C17orf67: variants seen among roughly 807,000 people sequenced by gnomAD.
C17orf67 encodes the protein chromosome 17 open reading frame 67.
A neutral mutation model predicts 11.2 loss-of-function variants in C17orf67; 12 were observed. The ratio of observed to expected loss-of-function variants is 1.07; its 90% CI spans 0.68 to 1.73. C17orf67 has a LOEUF of 1.73. Ranked by LOEUF, C17orf67 falls within the 40% of genes most tolerant of loss-of-function variation. The probability of loss-of-function intolerance (pLI) is 0.00; values close to 1 mark genes in which losing one functional copy is unlikely to be tolerated. For missense variants in C17orf67, 115 were observed against 113.5 expected (o/e 1.01, Z -0.06); for synonymous variants, 59 against 46.9 (o/e 1.26, Z -1.05).
intron 6 of C17orf67, 83 bp downstream of exon 6, chr17:56,814,786 T>C (rs1905716065): frequency 1.5e-6 from 2 of 1,324,230 alleles, no homozygotes; most frequent in Admixed American, 1.7e-5. Flanking sequence ...TAGCAGCCCA[T>C]GCTGGGACCA....
At chr17:56,799,374 ATTTAAG>A (rs1905269997) in intron 6 of C17orf67, among the ~76,000 whole-genome samples, 2 of 152,202 alleles carry the variant, frequency 1.3e-5, no homozygotes, top group South Asian at 4.1e-4. Context: ...AGTAATATGC[ATTTAAG>A]TTTAACTCCA....
intron 2 of C17orf67, among the ~76,000 whole-genome samples, chr17:56,829,878 T>C (rs531004755): frequency 4.6e-5 from 7 of 152,312 alleles, no homozygotes; most frequent in African/African-American, 1.7e-4. Context: ...TATGTATTAA[T>C]CTCCTAGGTG....
chr17:56,822,211 T>C (rs559899832), intron 4 of C17orf67, among the ~76,000 whole-genome samples: 7 of 152,358 alleles, frequency 4.6e-5, no homozygotes, highest in African/African-American at 1.7e-4. Flanking sequence ...AATAGCTAAC[T>C]GATACAGAGG....
chr17:56,792,630 T>TG lies in C17orf67; in HGVS notation c.*21-279dup, dbSNP rs1555589168. On this transcript the variant is annotated intron_variant, in intron 7 of 7. Transcript: ENST00000397861. Reference sequence around the variant, plus strand: ...ATGGTGGTGGTGGTGATAATGGTGATGTGGTGGTGGTGGTGATGGTGCTGA... The same window carrying TG: ...ATGGTGGTGGTGGTGATAATGGTGATGGTGGTGGTGGTGGTGATGGTGCTGA... 7.4e-4 allele frequency among the ~76,000 whole-genome samples: 93 copies of TG among 125,926 alleles called. 13 individuals are homozygous for TG. The highest frequency in any genetic ancestry group is 1.1e-3 in the Non-Finnish European group (63 of 54,968). The allele number at this position is 125,926 out of a possible 152,430, so 82.6% of individuals were successfully genotyped here. A position where few individuals can be genotyped will look rare whatever the true frequency, so the allele number is the denominator to read the frequency against.
At chr17:56,802,664 G>A (rs1451924753) in intron 6 of C17orf67, among the ~76,000 whole-genome samples, 2 of 152,232 alleles carry the variant, frequency 1.3e-5, no homozygotes, top group South Asian at 2.1e-4. Context: ...CACATAGTAA[G>A]AATGCATTAA....
At chr17:56,802,827 G>GGCCATT in intron 6 of C17orf67, among the ~76,000 whole-genome samples, 1 of 152,336 alleles carries the variant, frequency 6.6e-6, no homozygotes, top group African/African-American at 2.4e-5. Context: ...TCTTCAAAGC[G>GGCCATT]TGAGCTGTGC....
intron 2 of C17orf67, among the ~76,000 whole-genome samples, chr17:56,828,065 T>C (rs1292758280): frequency 2.1e-5 from 3 of 144,884 alleles, no homozygotes; most frequent in Non-Finnish European, 4.5e-5. Context: ...ATTAGCTCAG[T>C]GTACCCGCAC....
chr17:56,823,163 C>T (rs1292911801), intron 4 of C17orf67, among the ~76,000 whole-genome samples: 4 of 152,122 alleles, frequency 2.6e-5, no homozygotes, highest in Admixed American at 1.3e-4. Flanking sequence ...TACTGTCATA[C>T]GACATTACAT....
chr17:56,796,711 C>T (rs1429950872), intron 6 of C17orf67, among the ~76,000 whole-genome samples: 1 of 152,160 alleles, frequency 6.6e-6, no homozygotes, highest in Non-Finnish European at 1.5e-5. Context: ...TCCCTCGTCT[C>T]TGCCACTTCC....
chr17:56,810,988 G>A (rs1020733007), intron 6 of C17orf67, among the ~76,000 whole-genome samples: 2 of 152,254 alleles, frequency 1.3e-5, no homozygotes, highest in African/African-American at 4.8e-5. Flanking sequence ...AGTCGAGGAT[G>A]TGGAGTACTC....
At chr17:56,794,562 A>G (rs759724573) in intron 7 of C17orf67, among the ~76,000 whole-genome samples, 73 of 152,184 alleles carry the variant, frequency 4.8e-4, no homozygotes, top group African/African-American at 1.7e-3. Context: ...GGAAAGACAG[A>G]GGGTGGGCTG....
In C17orf67 at chr17:56,829,000, C is replaced by T. The variant is rs78109891; in HGVS notation, c.-556-3679G>A. Among the ~76,000 whole-genome samples the T allele has an allele frequency of 6.7e-4, 102 of 152,262 alleles. 1 individual carries two copies. The East Asian group carries it at 0.015, about 23-fold the overall frequency. On this transcript the variant is annotated intron_variant, in intron 2 of 7. Transcript: ENST00000397861. ...GCTGATGCAGAAATTCACATCCCAGCGGGGCACAGCTGCTCACACCTGTAA... is the reference window on the plus strand; with the variant it reads ...GCTGATGCAGAAATTCACATCCCAGTGGGGCACAGCTGCTCACACCTGTAA...
chr17:56,805,474 T>C (rs1255864804), intron 6 of C17orf67, among the ~76,000 whole-genome samples: 1 of 152,190 alleles, frequency 6.6e-6, no homozygotes, highest in East Asian at 1.9e-4. Flanking sequence ...AGCCCACTGG[T>C]CTCCAATTCA....
intron 6 of C17orf67, among the ~76,000 whole-genome samples, chr17:56,796,838 C>T (rs1905223157): frequency 7.7e-6 from 1 of 130,318 alleles, no homozygotes; most frequent in Non-Finnish European, 1.7e-5. Context: ...TCCCCCATCC[C>T]TGCTCCACTC....
chr17:56,794,102 A>G (rs1448152884), intron 7 of C17orf67, among the ~76,000 whole-genome samples: 1 of 152,230 alleles, frequency 6.6e-6, no homozygotes, highest in African/African-American at 2.4e-5. Context: ...TAGCTTAATC[A>G]TGCTCAATTA....
chr17:56,791,916 AT>A lies in C17orf67; in HGVS notation c.*456del, dbSNP rs1905111415. 3.3e-5 allele frequency: 5 copies of A among 152,252 alleles called. No individual in the cohort carries two copies. The highest frequency in any genetic ancestry group is 6.5e-5 in the Admixed American group (1 of 15,286). 9.4% of individuals were successfully genotyped at this position (152,252 alleles called of 1,614,324 possible). A position where few individuals can be genotyped will look rare whatever the true frequency, so the allele number is the denominator to read the frequency against. On this transcript the variant is annotated 3_prime_UTR_variant, in exon 8 of 8. Transcript: ENST00000397861. ...GAAAGGAAGAGACCACTAAAAGTAA[AT>A]TTAATACCAATGTTTATTAGGGCAG...
In C17orf67 at chr17:56,833,069, G is replaced by A. The variant is rs1312322069; in HGVS notation, c.-728C>T. 1 of 152,242 alleles carries A rather than the reference G, an allele frequency of 6.6e-6. No homozygotes were observed. Among genetic ancestry groups the A allele is most frequent in the African/African-American group, 2.4e-5 (1 of 41,442 alleles). The allele number at this position is 152,242 out of a possible 1,614,324, so 9.4% of individuals were successfully genotyped here. A position where few individuals can be genotyped will look rare whatever the true frequency, so the allele number is the denominator to read the frequency against. On this transcript the variant is annotated 5_prime_UTR_variant, in exon 2 of 8. Transcript: ENST00000397861. ...TTTTCTTTCCATCTTTTATGCTAGA[G>A]GAAGTCCGCAAGCAACAAGTGGTCC...
intron 6 of C17orf67, among the ~76,000 whole-genome samples, chr17:56,806,001 G>A (rs1395903705): frequency 8.3e-6 from 1 of 120,790 alleles, no homozygotes; most frequent in Non-Finnish European, 1.6e-5. Context: ...TTGAGACAGA[G>A]TCTCGCTCTG....
chr17:56,806,103 T>C lies in C17orf67; in HGVS notation c.156+8766A>G, dbSNP rs542427768. ...CATTCCCCTGCCTCAGCCTCCCGAG[T>C]AGCTGGGACTACAGGTACCCACCAC... On this transcript the variant is annotated intron_variant, in intron 6 of 7. Coordinates refer to ENST00000397861, the MANE Select transcript of C17orf67 (RefSeq NM_001085430.4). Among the ~76,000 whole-genome samples, 22 of 150,082 alleles carry C rather than the reference T, an allele frequency of 1.5e-4. No homozygotes were observed. In the South Asian group the frequency reaches 3.8e-3, roughly 26 times the overall value.
Sources: allele counts gnomAD v4.1 joint callset (sites outside exome capture counted in the v4.1 genomes callset), GRCh38; gene constraint gnomAD v4.1.1; transcripts MANE v1.5; gene names NCBI Gene and HGNC (gene_info 2026-07-23, HGNC 2026-07-21).